The following TBC1D22B variants were observed in gnomAD, a reference collection of about 807,000 sequenced individuals.
TBC1D22B encodes chromosome 6 open reading frame 197.
Under a neutral mutation model 69.1 loss-of-function variants are expected in TBC1D22B, and 32 were observed. The observed-to-expected ratio is 0.46, with a 90% confidence interval of 0.35 to 0.62. The LOEUF (loss-of-function observed/expected upper bound fraction) is 0.62. TBC1D22B is among the 20% of genes least tolerant of loss of function. The probability of loss-of-function intolerance (pLI) is 0.00; values close to 1 mark genes in which losing one functional copy is unlikely to be tolerated. For missense variants in TBC1D22B, 462 were observed against 630.9 expected (o/e 0.73, Z 2.87); for synonymous variants, 206 against 229.8 (o/e 0.90, Z 0.94).
At chr6:37,322,902 C>G (rs546869321) in intron 12 of TBC1D22B, among the ~76,000 whole-genome samples, 1 of 152,192 alleles carries the variant, frequency 6.6e-6, no homozygotes, top group South Asian at 2.1e-4. Flanking sequence ...ATGAGCTGTG[C>G]CCAGTTGTGG....
At chr6:37,267,030 G>T (rs1221690414) in intron 1 of TBC1D22B, among the ~76,000 whole-genome samples, 2 of 145,492 alleles carry the variant, frequency 1.4e-5, no homozygotes, top group South Asian at 4.3e-4. Context: ...TCAAACTCCT[G>T]GGTTCAAGTA....
intron 1 of TBC1D22B, among the ~76,000 whole-genome samples, chr6:37,267,745 A>G (rs557745422): frequency 6.6e-6 from 1 of 151,680 alleles, no homozygotes; most frequent in East Asian, 1.9e-4. Context: ...CTTCTAGTTG[A>G]TTATATTATT....
intron 1 of TBC1D22B, among the ~76,000 whole-genome samples, chr6:37,261,234 C>T (rs1431188432): frequency 6.6e-6 from 1 of 151,926 alleles, no homozygotes; most frequent in Non-Finnish European, 1.5e-5. Flanking sequence ...GAGTCCGAGA[C>T]CAGCCTGGCC....
chr6:37,280,940 T>C (rs1562046833), intron 3 of TBC1D22B, among the ~76,000 whole-genome samples: 1 of 152,162 alleles, frequency 6.6e-6, no homozygotes, highest in East Asian at 1.9e-4. Context: ...TTGCAGTGTG[T>C]GTCTGCATTT....
intron 12 of TBC1D22B, among the ~76,000 whole-genome samples, chr6:37,320,021 T>C (rs1768194591): frequency 6.6e-6 from 1 of 152,216 alleles, no homozygotes; most frequent in Non-Finnish European, 1.5e-5. Flanking sequence ...AGAGAAGTTT[T>C]AGGGCTAAAA....
At position 37,257,776 on chromosome 6, in the gene TBC1D22B, C is replaced by T; in HGVS notation, c.-142C>T. Reference sequence around the variant, plus strand: ...GTGCTGGGTGGAGGGGTGCCCACATCCAAGATGGCGTCCCCAGGAGCTGGG... The same window carrying T: ...GTGCTGGGTGGAGGGGTGCCCACATTCAAGATGGCGTCCCCAGGAGCTGGG... On this transcript the variant is annotated 5_prime_UTR_variant, in exon 1 of 13. Coordinates refer to ENST00000373491, the MANE Select transcript of TBC1D22B (RefSeq NM_017772.4). The T allele has an allele frequency of 1.1e-6, 1 of 905,826 alleles. No individual in the cohort carries two copies. Among genetic ancestry groups the T allele is most frequent in the Non-Finnish European group, 1.7e-6 (1 of 591,450 alleles). 56.1% of individuals were successfully genotyped at this position (905,826 alleles called of 1,614,324 possible).
At chr6:37,300,235 G>A (rs368075938) in intron 8 of TBC1D22B, among the ~76,000 whole-genome samples, 8 of 151,680 alleles carry the variant, frequency 5.3e-5, no homozygotes, top group African/African-American at 7.3e-5. Flanking sequence ...ATAATATTAC[G>A]TAATTTTAAT....
rs1583532598 is a variant in TBC1D22B, at chr6:37,274,404, C to A, written c.113+4754C>A. 2.0e-5 allele frequency among the ~76,000 whole-genome samples: 3 copies of A among 152,220 alleles called. No homozygotes were observed. In the East Asian group the frequency reaches 5.8e-4, roughly 29 times the overall value. On this transcript the variant is annotated intron_variant, in intron 2 of 12. Transcript: ENST00000373491. ...CTGTGGCCACTCTTTTTCAACATAT[C>A]CTTAGGTGTTTGTGTTACTAAGGTA...
chr6:37,298,808 G>C (rs1767474613), intron 8 of TBC1D22B, among the ~76,000 whole-genome samples: 2 of 152,024 alleles, frequency 1.3e-5, no homozygotes, highest in Non-Finnish European at 2.9e-5. Flanking sequence ...GCCTCCCAGA[G>C]TGTTGGGATT....
At chr6:37,287,242 A>T (rs554171121) in intron 7 of TBC1D22B, among the ~76,000 whole-genome samples, 170 bp downstream of exon 7, 1 of 152,344 alleles carries the variant, frequency 6.6e-6, no homozygotes, top group South Asian at 2.1e-4. Flanking sequence ...CAAATCTGTG[A>T]GCGGAATAAC....
intron 10 of TBC1D22B, 118 bp downstream of exon 10, chr6:37,314,009 C>A: frequency 1.1e-6 from 1 of 875,700 alleles, no homozygotes; most frequent in Non-Finnish European, 1.9e-6. Flanking sequence ...TTCCAGCGCA[C>A]TGAGTGCTGC....
intron 8 of TBC1D22B, among the ~76,000 whole-genome samples, chr6:37,301,927 C>A (rs2113766728): frequency 6.6e-6 from 1 of 152,238 alleles, no homozygotes; most frequent in Admixed American, 6.5e-5. Context: ...TAGGTCTCTC[C>A]AGGCATCCTT....
chr6:37,330,222 C>CTTGTTTTTTT (rs1768541819), intron 12 of TBC1D22B, among the ~76,000 whole-genome samples: 1 of 75,582 alleles, frequency 1.3e-5, no homozygotes, highest in Non-Finnish European at 2.4e-5. Context: ...TTGTCCGTTT[C>CTTGTTTTTTT]TTTTTTTTTT....
At chr6:37,327,443 A>G (rs1768451976) in intron 12 of TBC1D22B, among the ~76,000 whole-genome samples, 1 of 72,798 alleles carries the variant, frequency 1.4e-5, no homozygotes, top group African/African-American at 8.3e-5. Context: ...GTGCCACTGC[A>G]CTCCAGCCTG....
intron 9 of TBC1D22B, among the ~76,000 whole-genome samples, chr6:37,313,307 T>G (rs781637759): frequency 6.6e-6 from 1 of 151,996 alleles, no homozygotes; most frequent in Non-Finnish European, 1.5e-5. Context: ...CTAGGCAACA[T>G]AGAGAGACCC....
At chr6:37,269,469 T>C in intron 1 of TBC1D22B, 125 bp from the exon 2 acceptor site, 2 of 827,682 alleles carry the variant, frequency 2.4e-6, no homozygotes, top group South Asian at 3.0e-5. Context: ...ATGGCTTGAG[T>C]ACAGTTATTA....
intron 8 of TBC1D22B, 52 bp from the exon 9 acceptor site, chr6:37,312,866 C>T: frequency 2.7e-6 from 4 of 1,456,394 alleles, no homozygotes; most frequent in Admixed American, 1.7e-5. Flanking sequence ...CTATCTTTCT[C>T]TCTCCATTTT....
intron 8 of TBC1D22B, among the ~76,000 whole-genome samples, chr6:37,305,225 G>A (rs1478271099): frequency 6.6e-6 from 1 of 152,136 alleles, no homozygotes; most frequent in Non-Finnish European, 1.5e-5. Context: ...GTCTGGCTAG[G>A]CCAAAGATGA....
intron 2 of TBC1D22B, among the ~76,000 whole-genome samples, chr6:37,270,164 A>G (rs1316347249): frequency 6.6e-6 from 1 of 152,168 alleles, no homozygotes; most frequent in East Asian, 1.9e-4. Flanking sequence ...GTTAAAAGCT[A>G]TTTAGGGCTG....
Sources: allele counts gnomAD v4.1 joint callset (sites outside exome capture counted in the v4.1 genomes callset), GRCh38; gene constraint gnomAD v4.1.1; transcripts MANE v1.5; gene names NCBI Gene and HGNC (gene_info 2026-07-23, HGNC 2026-07-21).